DACH1: variants seen among roughly 807,000 people sequenced by gnomAD.
DACH1 encodes the protein dachshund family transcription factor 1.
A neutral mutation model predicts 54.2 loss-of-function variants in DACH1; 12 were observed. The observed-to-expected ratio is 0.22, with a 90% CI of 0.14 to 0.36. DACH1 has a LOEUF of 0.36. Among genes scored for constraint, DACH1 ranks in the 10% least tolerant of loss-of-function variants. The pLI is 1.00. For synonymous variants in DACH1, 386 were observed against 366.2 expected (o/e 1.05, Z -0.62); for missense variants, 805 against 929.8 (o/e 0.87, Z 1.75).
intron 2 of DACH1, 66 bp from the exon 3 acceptor site, chr13:71,630,783 T>G: frequency 6.8e-7 from 1 of 1,465,122 alleles, no homozygotes; most frequent in Non-Finnish European, 9.0e-7. Flanking sequence ...GTTCCTGTAC[T>G]TGCTATAACC....
At chr13:71,599,132 C>T (rs1053305903) in intron 3 of DACH1, among the ~76,000 whole-genome samples, 2 of 151,954 alleles carry the variant, frequency 1.3e-5, no homozygotes, top group African/African-American at 4.8e-5. Context: ...TAATTTTAAG[C>T]CTCATGCTGA....
At chr13:71,571,577 T>C (rs1885199675) in intron 4 of DACH1, among the ~76,000 whole-genome samples, 1 of 152,168 alleles carries the variant, frequency 6.6e-6, no homozygotes, top group Non-Finnish European at 1.5e-5. Context: ...GATCCAGGTC[T>C]TCTGTGAGAC....
intron 1 of DACH1, among the ~76,000 whole-genome samples, chr13:71,697,684 T>C (rs1881900407): frequency 6.6e-6 from 1 of 152,216 alleles, no homozygotes; most frequent in East Asian, 1.9e-4. Context: ...TATTATTTAG[T>C]CCAGGGTTCT....
chr13:71,826,692 A>G (rs1888396312), intron 1 of DACH1, among the ~76,000 whole-genome samples: 3 of 152,144 alleles, frequency 2.0e-5, no homozygotes, highest in Non-Finnish European at 2.9e-5. Context: ...ACCTACACAT[A>G]TAAAAGGGCA....
chr13:71,768,926 A>G (rs1885744571), intron 1 of DACH1, among the ~76,000 whole-genome samples: 1 of 151,754 alleles, frequency 6.6e-6, no homozygotes, highest in Non-Finnish European at 1.5e-5. Flanking sequence ...TTGTGATACT[A>G]TTTCCTTTGC....
At chr13:71,573,384 C>A in intron 3 of DACH1, 1 of 711,280 alleles carries the variant, frequency 1.4e-6, no homozygotes, top group South Asian at 1.5e-5. Context: ...TTAAAAAAAA[C>A]TATGATTTTT....
intron 1 of DACH1, among the ~76,000 whole-genome samples, chr13:71,722,219 A>C (rs1883259368): frequency 6.6e-6 from 1 of 152,208 alleles, no homozygotes; most frequent in Non-Finnish European, 1.5e-5. Flanking sequence ...TAAGAAGTTT[A>C]GTAAGTTTTG....
At chr13:71,705,578 T>A (rs1882400781) in intron 1 of DACH1, among the ~76,000 whole-genome samples, 1 of 152,194 alleles carries the variant, frequency 6.6e-6, no homozygotes, top group South Asian at 2.1e-4. Context: ...AATTCTTCAT[T>A]GAATTCACAT....
At chr13:71,533,308 TAAA>T (rs1164591465) in intron 6 of DACH1, among the ~76,000 whole-genome samples, 1 of 151,806 alleles carries the variant, frequency 6.6e-6, no homozygotes, top group South Asian at 2.1e-4. Context: ...TTCAAGGAAA[TAAA>T]AAAGTTTCAT....
At chr13:71,614,610 T>C (rs1462280016) in intron 3 of DACH1, among the ~76,000 whole-genome samples, 1 of 152,136 alleles carries the variant, frequency 6.6e-6, no homozygotes, top group Non-Finnish European at 1.5e-5. Flanking sequence ...TCCTAGCACT[T>C]TGGGAGGCCA....
intron 1 of DACH1, among the ~76,000 whole-genome samples, chr13:71,723,510 C>T (rs1423791014): frequency 6.6e-6 from 1 of 152,116 alleles, no homozygotes; most frequent in East Asian, 1.9e-4. Context: ...TCAGACCGCA[C>T]AAATAAATAG....
At chr13:71,767,982 A>T (rs910255480) in intron 1 of DACH1, among the ~76,000 whole-genome samples, 5 of 152,014 alleles carry the variant, frequency 3.3e-5, no homozygotes, top group Non-Finnish European at 5.9e-5. Flanking sequence ...TAGCATTTTT[A>T]AAAAGTTTAA....
chr13:71,624,967 C>A (rs1221276417), intron 3 of DACH1, among the ~76,000 whole-genome samples: 1 of 151,758 alleles, frequency 6.6e-6, no homozygotes. Flanking sequence ...CATAGGACAC[C>A]CCCTCCCTGA....
At chr13:71,637,855 A>G (rs949319027) in intron 2 of DACH1, among the ~76,000 whole-genome samples, 1 of 152,196 alleles carries the variant, frequency 6.6e-6, no homozygotes, top group African/African-American at 2.4e-5. Context: ...TAGATTATAG[A>G]TATCAATAAA....
intron 1 of DACH1, among the ~76,000 whole-genome samples, chr13:71,828,283 G>T (rs1888455677): frequency 6.6e-6 from 1 of 151,962 alleles, no homozygotes; most frequent in African/African-American, 2.4e-5. Context: ...TTTCAAAAGT[G>T]TTAAGCTGCG....
chr13:71,584,250 T>G (rs1437032307), intron 3 of DACH1, among the ~76,000 whole-genome samples: 2 of 152,210 alleles, frequency 1.3e-5, no homozygotes, highest in African/African-American at 2.4e-5. Flanking sequence ...CAAAACGAAT[T>G]AAATACCTAA....
chr13:71,442,469 G>T (rs1874092704), intron 10 of DACH1, among the ~76,000 whole-genome samples: 1 of 151,960 alleles, frequency 6.6e-6, no homozygotes, highest in Admixed American at 6.6e-5. Flanking sequence ...CCAAATCTTG[G>T]CTATTGTGAA....
chr13:71,618,837 T>G (rs189351071), intron 3 of DACH1, among the ~76,000 whole-genome samples: 89 of 152,032 alleles, frequency 5.9e-4, no homozygotes, highest in South Asian at 5.4e-3. Context: ...TTTTAGAAAG[T>G]ATTCTAGGGA....
intron 3 of DACH1, among the ~76,000 whole-genome samples, chr13:71,586,001 T>C (rs1206888613): frequency 6.6e-6 from 1 of 152,174 alleles, no homozygotes; most frequent in Non-Finnish European, 1.5e-5. Flanking sequence ...AAAACAATTA[T>C]GTTGGGTGAG....
Sources: allele counts gnomAD v4.1 joint callset (sites outside exome capture counted in the v4.1 genomes callset), GRCh38; gene constraint gnomAD v4.1.1; transcripts MANE v1.5; gene names NCBI Gene and HGNC (gene_info 2026-07-23, HGNC 2026-07-21).